Variants in BAHCC1 observed in about 807,000 individuals in gnomAD.
BAHCC1 encodes the protein BAH domain and coiled-coil containing 1.
Under a neutral mutation model 88.2 loss-of-function variants are expected in BAHCC1, and 43 were observed. The observed-to-expected ratio is 0.49, with a 90% confidence interval of 0.38 to 0.63. The LOEUF (loss-of-function observed/expected upper bound fraction) is 0.63, where lower values mean the gene tolerates loss of function less well. BAHCC1 is among the 20% of genes least tolerant of loss of function. The pLI is 0.00. For missense variants in BAHCC1, 3,023 were observed against 1,654.8 expected, an observed-to-expected ratio of 1.83 and a Z score of -14.34; for synonymous variants, 1,510 against 745.5, an observed-to-expected ratio of 2.03 and a Z score of -16.71.
rs1555660652 is a variant in BAHCC1 at position 81,465,813 on chromosome 17, C to T, written c.*1996C>T. ...GGGTCCCCGCCTCCAGCCCCCCGCT[C>T]CCACCCCCGAGCCTACCCTTTGTCT... is the stretch of plus-strand genomic sequence containing the variant. On this transcript the variant is annotated 3_prime_UTR_variant, in exon 28 of 28. Transcript: ENST00000675386. 6.6e-6 allele frequency: 1 copy of T among 152,430 alleles called. No individual in the cohort carries two copies. Among genetic ancestry groups the T allele is most frequent in the Admixed American group, 6.5e-5 (1 of 15,290 alleles). The allele number at this position is 152,430 out of a possible 1,614,324, so 9.4% of individuals were successfully genotyped here.
chr17:81,396,749 G>A (rs1162188584), intron 1 of BAHCC1: 4 of 152,266 alleles, frequency 2.6e-5, no homozygotes, highest in Admixed American at 2.6e-4. Context: ...CGCGGCAAGA[G>A]GGACCGGCGG....
intron 8 of BAHCC1, 55 bp from the exon 9 acceptor site, chr17:81,444,960 C>A: frequency 1.4e-6 from 1 of 692,070 alleles, no homozygotes. Context: ...GGGGAAGCAG[C>A]CCCGGAGCTG....
rs61744534 is a variant in BAHCC1, at chr17:81,459,100, C to G, written c.5652C>G (p.Pro1884=). The G allele has an allele frequency of 3.9e-6, 3 of 771,080 alleles. No homozygotes were observed. The South Asian group carries it at 4.1e-5, about 11-fold the overall frequency. 47.8% of individuals were successfully genotyped at this position (771,080 alleles called of 1,614,324 possible). A position where few individuals can be genotyped will look rare whatever the true frequency, so the allele number is the denominator to read the frequency against. The part of the protein sequence containing the change: ...IHKEDLRDGL[P]VLIPKEDSLL... ...AGGAGGACCTGCGGGACGGGCTGCC[C>G]GTGCTCATCCCCAAGGAGGATAGCC... Residue 1884 remains proline, a synonymous_variant, in exon 21 of 28, where the codon CCC becomes CCG. Transcript: ENST00000675386.
intron 4 of BAHCC1, 25 bp from the exon 5 acceptor site, chr17:81,441,806 T>C (rs1224289763): frequency 1.7e-6 from 1 of 582,048 alleles, no homozygotes; most frequent in African/African-American, 1.9e-5. Flanking sequence ...AGGCCTCCCA[T>C]TGACCTTGGC....
Position 81,459,185 on chromosome 17 carries a change from G to A in BAHCC1, c.5720+17G>A, listed in dbSNP as rs782564044. On this transcript the variant is annotated intron_variant, in intron 21 of 27. Transcript: ENST00000675386. Reference sequence around the variant, plus strand: ...ACCCGACATGTGAGGCCTGGGCATGGTGGGGCAGGGCAGGGGCCTGGAGGG... The same window carrying A: ...ACCCGACATGTGAGGCCTGGGCATGATGGGGCAGGGCAGGGGCCTGGAGGG... 5 of 768,354 alleles carry A rather than the reference G, an allele frequency of 6.5e-6. No homozygotes were observed. In the Admixed American group the frequency reaches 8.7e-5, roughly 13 times the overall value. The allele number at this position is 768,354 out of a possible 1,614,324, so 47.6% of individuals were successfully genotyped here.
Position 81,442,247 on chromosome 17 carries a change from G to A in BAHCC1, c.898G>A (p.Ala300Thr), listed in dbSNP as rs1555652710. 1 of 630,206 alleles carries A rather than the reference G, an allele frequency of 1.6e-6. No homozygotes were observed. Among genetic ancestry groups the A allele is most frequent in the South Asian group, 1.8e-5 (1 of 54,504 alleles). The allele number at this position is 630,206 out of a possible 1,614,324, so 39.0% of individuals were successfully genotyped here. A position where few individuals can be genotyped will look rare whatever the true frequency, so the allele number is the denominator to read the frequency against. Residue 300 changes from alanine (A) to threonine (T), a missense_variant, in exon 5 of 28, where the codon GCC becomes ACC. By Grantham distance (58) the Ala-to-Thr change is moderately conservative. Transcript: ENST00000675386. The stretch of plus-strand genomic sequence containing the variant: ...CGGCGAGATGGGCAGGGCTGCGCTA[G>A]CCAGCTGTGCAGGGGGCATGCTGGG... Reference protein sequence around the residue: ...LNGEMGRAALASCAGGMLGRP... With the variant: ...LNGEMGRAALTSCAGGMLGRP...
chr17:81,431,059 G>A (rs1442895741), intron 3 of BAHCC1, among the ~76,000 whole-genome samples: 1 of 148,098 alleles, frequency 6.8e-6, no homozygotes, highest in Non-Finnish European at 1.5e-5. Flanking sequence ...GTCCCGGCGT[G>A]GGGGTGGAGG....
At position 81,458,415 on chromosome 17, in the gene BAHCC1, G is replaced by C. The variant is rs920265880; in HGVS notation, c.5292G>C (p.Glu1764Asp). Reference sequence around the variant, plus strand: ...AGGAGGGCAGCCAGCTGGCCAGTGAGCGCCTCAAGAGGGCCACGCGCAAGG... The same window carrying C: ...AGGAGGGCAGCCAGCTGGCCAGTGACCGCCTCAAGAGGGCCACGCGCAAGG... ...CREEGSQLASERLKRATRKGT... is the reference protein window; with the variant it reads ...CREEGSQLASDRLKRATRKGT... Residue 1764 changes from glutamate to aspartate, a missense_variant, in exon 18 of 28, where the codon GAG becomes GAC. By Grantham distance (45) the Glu-to-Asp change is conservative. Transcript: ENST00000675386. 19 of 744,090 alleles carry C rather than the reference G, an allele frequency of 2.6e-5. No homozygotes were observed. Among genetic ancestry groups the C allele is most frequent in the Admixed American group, 3.6e-5 (2 of 54,996 alleles). 46.1% of individuals were successfully genotyped at this position (744,090 alleles called of 1,614,324 possible). A position where few individuals can be genotyped will look rare whatever the true frequency, so the allele number is the denominator to read the frequency against.
intron 2 of BAHCC1, chr17:81,422,686 C>A: frequency 2.8e-6 from 1 of 350,990 alleles, no homozygotes; most frequent in South Asian, 2.1e-5. Flanking sequence ...GAGTGTCCTG[C>A]CCCCACCTGA....
At chr17:81,403,601 CCTCATCATGTG>C (rs1446217494) in intron 2 of BAHCC1, among the ~76,000 whole-genome samples, 2 of 152,108 alleles carry the variant, frequency 1.3e-5, no homozygotes, top group Non-Finnish European at 2.9e-5. Flanking sequence ...GGCTCCTCTC[CCTCATCATGTG>C]ATATTTTTTT....
chr17:81,399,622 C>A lies in BAHCC1; in HGVS notation c.-118C>A. The A allele has an allele frequency of 1.5e-6, 1 of 657,970 alleles. No individual in the cohort carries two copies. Among genetic ancestry groups the A allele is most frequent in the Non-Finnish European group, 2.1e-6 (1 of 472,540 alleles). The allele number at this position is 657,970 out of a possible 1,614,324, so 40.8% of individuals were successfully genotyped here. ...CCCGCGTGCTGACCGGCCCCGCCGC[C>A]ACCACCGCCTGTGACCCCGGACGCC... On this transcript the variant is annotated 5_prime_UTR_variant, in exon 2 of 28. Transcript: ENST00000675386. This position sits in a 1 kb window ranked among gnomAD's most constrained non-coding sequence, Gnocchi z 4.5.
Position 81,411,479 on chromosome 17 carries a change from C to A in BAHCC1, c.178+11562C>A, listed in dbSNP as rs1393223720. 1 of 265,118 alleles carries A rather than the reference C, an allele frequency of 3.8e-6. No individual in the cohort carries two copies. Among genetic ancestry groups the A allele is most frequent in the Admixed American group, 5.4e-5 (1 of 18,352 alleles). 16.4% of individuals were successfully genotyped at this position (265,118 alleles called of 1,614,324 possible). Reference sequence around the variant, plus strand: ...AGGTCGTCAGCCAGCCCCACCCCTGCCTGCCTGCCTGCCTGCCTGCCTGCC... The same window carrying A: ...AGGTCGTCAGCCAGCCCCACCCCTGACTGCCTGCCTGCCTGCCTGCCTGCC... On this transcript the variant is annotated intron_variant, in intron 2 of 27. Transcript: ENST00000675386. The surrounding 1 kb of genome is among the most constrained non-coding windows in gnomAD (Gnocchi z 6.2).
In BAHCC1 at chr17:81,442,196, T is replaced by C; in HGVS notation, c.847T>C (p.Cys283Arg). The change falls in exon 5 of 28, where the codon TGC becomes CGC. Residue 283 changes from cysteine (C) to arginine (R), a missense_variant. Transcript: ENST00000675386. ...CEGRPKHLTS[C>R]LLNTKVLNGE... ...GGGCCGCCCCAAGCACCTCACCTCC[T>C]GCCTCCTCAACACCAAGGTGCTCAA... 1 of 659,394 alleles carries C rather than the reference T, an allele frequency of 1.5e-6. No individual in the cohort carries two copies. Among genetic ancestry groups the C allele is most frequent in the Non-Finnish European group, 2.7e-6 (1 of 364,284 alleles). The allele number at this position is 659,394 out of a possible 1,614,324, so 40.8% of individuals were successfully genotyped here. A position where few individuals can be genotyped will look rare whatever the true frequency, so the allele number is the denominator to read the frequency against.
rs2064316765 is a variant in BAHCC1 at position 81,435,011 on chromosome 17, A to G, written c.359-3359A>G. 6.6e-6 allele frequency among the ~76,000 whole-genome samples: 1 copy of G among 151,808 alleles called. No homozygotes were observed. Among genetic ancestry groups the G allele is most frequent in the African/African-American group, 2.4e-5 (1 of 41,308 alleles). ...TCTCCAGGTGGGCAGGAGGAAAGGA[A>G]GGGTCCCCTCACCCCTGGCCGTCCC... On this transcript the variant is annotated intron_variant, in intron 3 of 27. Transcript: ENST00000675386. This position sits in a 1 kb window ranked among gnomAD's most constrained non-coding sequence, Gnocchi z 4.4.
In BAHCC1 at chr17:81,460,269, G is replaced by A. The variant is rs376453587; in HGVS notation, c.5906-8G>A. The A allele has an allele frequency of 4.6e-5, 35 of 760,420 alleles. No homozygotes were observed. Among genetic ancestry groups the A allele is most frequent in the Non-Finnish European group, 7.1e-5 (29 of 408,860 alleles). The allele number at this position is 760,420 out of a possible 1,614,324, so 47.1% of individuals were successfully genotyped here. ...TTCCAGCTGCAAGCTCAGGTGTGCC[G>A]TCCACAGGGGCCTCCGGTGACGAAG... On this transcript the variant is annotated splice_region_variant and splice_polypyrimidine_tract_variant and intron_variant, in intron 23 of 27. Transcript: ENST00000675386.
At chr17:81,418,715 C>G (rs971714302) in intron 2 of BAHCC1, among the ~76,000 whole-genome samples, 1 of 151,952 alleles carries the variant, frequency 6.6e-6, no homozygotes, top group African/African-American at 2.4e-5. Context: ...CTCCCATGCC[C>G]GAGAACAGAG....
chr17:81,448,084 C>T (rs112212667), intron 11 of BAHCC1, among the ~76,000 whole-genome samples: 19 of 152,332 alleles, frequency 1.2e-4, no homozygotes, highest in African/African-American at 4.3e-4. Flanking sequence ...GCAGGACTAA[C>T]CTCCATGGTG....
In BAHCC1 at chr17:81,444,887, G is replaced by A. The variant is rs752769960; in HGVS notation, c.2671+61G>A. The A allele has an allele frequency of 4.9e-5, 35 of 720,550 alleles. 1 individual carries two copies. Among genetic ancestry groups the A allele is most frequent in the African/African-American group, 1.4e-4 (8 of 57,162 alleles). 44.6% of individuals were successfully genotyped at this position (720,550 alleles called of 1,614,324 possible). On this transcript the variant is annotated intron_variant, in intron 8 of 27. Transcript: ENST00000675386. ...GGTGCTGTTGGAAGGAGGGGCAGCC[G>A]GGGGTGTGCTGGCCAGGGCTCAGGA...
Position 81,460,561 on chromosome 17 carries a change from T to C in BAHCC1, c.6057T>C (p.Ser2019=), listed in dbSNP as rs1432292849. The part of the protein sequence containing the change: ...CTEPSPALLV[S]SSCRRTKKVS... ...AGCCCTCTCCAGCCCTGCTAGTGTCTAGCAGCTGCCGGAGGACCAAGAAGG... is the reference window on the plus strand; with the variant it reads ...AGCCCTCTCCAGCCCTGCTAGTGTCCAGCAGCTGCCGGAGGACCAAGAAGG... The change falls in exon 25 of 28, where the codon TCT becomes TCC. Residue 2019 remains serine (S), a synonymous_variant. Transcript: ENST00000675386. The C allele has an allele frequency of 5.2e-6, 4 of 767,066 alleles. No homozygotes were observed. Among genetic ancestry groups the C allele is most frequent in the East Asian group, 4.9e-5 (2 of 40,830 alleles). The allele number at this position is 767,066 out of a possible 1,614,324, so 47.5% of individuals were successfully genotyped here.
Sources: gnomAD v4.1 joint callset for allele counts (sites outside exome capture counted in the v4.1 genomes callset) on GRCh38, gnomAD v4.1.1 for gene constraint, Gnocchi (gnomAD v3.1) non-coding constraint, MANE v1.5 for transcripts, NCBI Gene and HGNC (gene_info 2026-07-23, HGNC 2026-07-21) for gene names.